ENOX1: variants seen among roughly 807,000 people sequenced by gnomAD.
ENOX1 encodes the protein candidate growth-related and time keeping constitutive hydroquinone (NADH) oxidase.
Under a neutral mutation model 82.5 loss-of-function variants are expected in ENOX1, and 42 were observed. The observed-to-expected ratio is 0.51, with a 90% CI of 0.40 to 0.66. The LOEUF (loss-of-function observed/expected upper bound fraction) is 0.66, where lower values mean the gene tolerates loss of function less well. Ranked by LOEUF, ENOX1 falls within the 30% of genes least tolerant of loss-of-function variation. ENOX1 has a pLI of 0.00. For synonymous variants in ENOX1, 271 were observed against 282.2 expected (o/e 0.96, Z 0.40); for missense variants, 608 against 811.6 (o/e 0.75, Z 3.05).
intron 1 of ENOX1, among the ~76,000 whole-genome samples, chr13:43,723,333 C>G (rs996875159): frequency 6.6e-6 from 1 of 152,064 alleles, no homozygotes; most frequent in Non-Finnish European, 1.5e-5. Context: ...AAGCCCAGAA[C>G]GTGATTAAAA....
At chr13:43,229,304 G>A (rs2042169848) in intron 15 of ENOX1, among the ~76,000 whole-genome samples, 1 of 152,204 alleles carries the variant, frequency 6.6e-6, no homozygotes, top group East Asian at 1.9e-4. Context: ...GACTAATACA[G>A]CGATTACGTG....
intron 2 of ENOX1, among the ~76,000 whole-genome samples, chr13:43,572,741 T>G (rs2080239469): frequency 6.6e-6 from 1 of 152,228 alleles, no homozygotes; most frequent in East Asian, 1.9e-4. Flanking sequence ...TCAGTTGCTA[T>G]GTGTTCCATT....
intron 1 of ENOX1, among the ~76,000 whole-genome samples, chr13:43,716,028 T>G (rs1046138668): frequency 6.6e-6 from 1 of 152,228 alleles, no homozygotes; most frequent in African/African-American, 2.4e-5. Context: ...CGGAATAGTT[T>G]GATCATCTCT....
intron 3 of ENOX1, among the ~76,000 whole-genome samples, chr13:43,445,820 T>C (rs770150485): frequency 2.0e-5 from 3 of 152,170 alleles, no homozygotes; most frequent in Non-Finnish European, 4.4e-5. Context: ...TCCTGGGAGA[T>C]AAGAAGAGAT....
chr13:43,771,909 C>T (rs1566907942), intron 1 of ENOX1, among the ~76,000 whole-genome samples: 1 of 149,540 alleles, frequency 6.7e-6, no homozygotes, highest in Non-Finnish European at 1.5e-5. Flanking sequence ...GGAATACAGG[C>T]GCGTCTGCCA....
intron 1 of ENOX1, among the ~76,000 whole-genome samples, chr13:43,729,660 T>A (rs981738119): frequency 1.3e-5 from 2 of 152,216 alleles, no homozygotes; most frequent in African/African-American, 4.8e-5. Context: ...GAAGTCAATG[T>A]TTTGTTCCAA....
intron 2 of ENOX1, among the ~76,000 whole-genome samples, chr13:43,618,977 A>ATTTTTTT (rs56048836): frequency 8.5e-6 from 1 of 116,964 alleles, no homozygotes; most frequent in African/African-American, 3.2e-5. Context: ...ATAGTCCTAA[A>ATTTTTTT]TTTTTTTTTT....
Position 43,344,572 on chromosome 13 carries a change from A to G in ENOX1, c.1002T>C (p.Asn334=), listed in dbSNP as rs2049263238. 6.2e-7 allele frequency: 1 copy of G among 1,614,172 alleles called. No homozygotes were observed. The highest frequency in any genetic ancestry group is 1.3e-5 in the African/African-American group (1 of 75,034). ...GAATCCCAGTTAAGGCATTTTTAAA[A>G]TTCTCCTTGGCTTCCTCCATCTCTT... ...HEQEMEEAKE[N]FKNALTGILT... The change falls in exon 9 of 17, where the codon AAT becomes AAC. Residue 334 remains asparagine (N), a synonymous_variant. Transcript: ENST00000690772.
chr13:43,274,709 G>T (rs1190143041), intron 12 of ENOX1, among the ~76,000 whole-genome samples: 1 of 152,200 alleles, frequency 6.6e-6, no homozygotes, highest in African/African-American at 2.4e-5. Context: ...TTACAATGGA[G>T]TGTGTTCCAA....
At chr13:43,659,191 T>A (rs1566722991) in intron 2 of ENOX1, among the ~76,000 whole-genome samples, 1 of 152,146 alleles carries the variant, frequency 6.6e-6, no homozygotes, top group Non-Finnish European at 1.5e-5. Context: ...ATTTCTTTTT[T>A]CAGATTTATT....
intron 1 of ENOX1, among the ~76,000 whole-genome samples, chr13:43,679,380 T>C (rs570500677): frequency 1.3e-5 from 2 of 152,268 alleles, no homozygotes; most frequent in Non-Finnish European, 2.9e-5. Context: ...CTATTTCTTA[T>C]CTGTGGCCTC....
At position 43,484,250 on chromosome 13, in the gene ENOX1, T is replaced by C. The variant is rs1394931691; in HGVS notation, c.-218-98A>G. On this transcript the variant is annotated intron_variant, in intron 2 of 16. Coordinates refer to ENST00000690772, the MANE Select transcript of ENOX1 (RefSeq NM_001347969.2). ...ACTTATATGTGTTATCAGCATGATG[T>C]TATTAATTTCTATTATCAATTTTGT... 5.7e-6 allele frequency: 4 copies of C among 701,650 alleles called. No homozygotes were observed. In the East Asian group the frequency reaches 5.3e-4, roughly 93 times the overall value. The allele number at this position is 701,650 out of a possible 1,614,324, so 43.5% of individuals were successfully genotyped here. A position where few individuals can be genotyped will look rare whatever the true frequency, so the allele number is the denominator to read the frequency against.
At chr13:43,215,962 C>T (rs541125091) in intron 16 of ENOX1, among the ~76,000 whole-genome samples, 51 of 152,158 alleles carry the variant, frequency 3.4e-4, no homozygotes, top group African/African-American at 1.1e-3. Flanking sequence ...TTGGGGAGGC[C>T]GAGGTGGGTG....
At chr13:43,477,797 G>A (rs1383074086) in intron 3 of ENOX1, among the ~76,000 whole-genome samples, 7 of 152,062 alleles carry the variant, frequency 4.6e-5, no homozygotes, top group African/African-American at 1.4e-4. Context: ...TGTTTATAGA[G>A]TCTGGATTTT....
At chr13:43,721,376 C>CTTTTTTT (rs761888585) in intron 1 of ENOX1, among the ~76,000 whole-genome samples, 6 of 107,620 alleles carry the variant, frequency 5.6e-5, no homozygotes, top group African/African-American at 1.5e-4. Flanking sequence ...TATTTTATAT[C>CTTTTTTT]TTTTTTTTTT....
chr13:43,262,405 A>C (rs573244056), intron 14 of ENOX1, among the ~76,000 whole-genome samples: 5 of 152,230 alleles, frequency 3.3e-5, no homozygotes, highest in Non-Finnish European at 5.9e-5. Context: ...CTGCCCCCAG[A>C]TATAAATAAT....
rs927936571 is a variant in ENOX1 at position 43,484,039 on chromosome 13, T to G, written c.-105A>C. 3.0e-6 allele frequency: 3 copies of G among 985,130 alleles called. No individual in the cohort carries two copies. Among genetic ancestry groups the G allele is most frequent in the Non-Finnish European group, 3.6e-6 (3 of 829,888 alleles). The allele number at this position is 985,130 out of a possible 1,614,324, so 61.0% of individuals were successfully genotyped here. A position where few individuals can be genotyped will look rare whatever the true frequency, so the allele number is the denominator to read the frequency against. ...AACTGCCAGCAGCTCAGAAGACAAA[T>G]GTGTTCTCTGGGGACTTGATTGAAA... On this transcript the variant is annotated 5_prime_UTR_variant, in exon 3 of 17. Transcript: ENST00000690772.
chr13:43,681,985 A>G (rs1026810787), intron 1 of ENOX1, among the ~76,000 whole-genome samples: 2 of 152,058 alleles, frequency 1.3e-5, no homozygotes, highest in East Asian at 1.9e-4. Flanking sequence ...GATCAGGTAT[A>G]CGGCCTCCTA....
At chr13:43,533,532 T>A (rs2078322721) in intron 2 of ENOX1, among the ~76,000 whole-genome samples, 1 of 152,152 alleles carries the variant, frequency 6.6e-6, no homozygotes, top group South Asian at 2.1e-4. Flanking sequence ...CCTCACTACC[T>A]CTGAGTCCAT....
Sources: allele counts gnomAD v4.1 joint callset (sites outside exome capture counted in the v4.1 genomes callset), GRCh38; gene constraint gnomAD v4.1.1; transcripts MANE v1.5; gene names NCBI Gene and HGNC (gene_info 2026-07-23, HGNC 2026-07-21).